The following MAD2L2 variants were observed in gnomAD, a reference collection of about 807,000 sequenced individuals.
MAD2L2 encodes mitotic arrest deficient 2 like 2, also known as mitotic spindle assembly checkpoint protein MAD2B.
Under a neutral mutation model 30.5 loss-of-function variants are expected in MAD2L2, and 17 were observed. That is an observed-to-expected ratio of 0.56 (90% CI 0.38 to 0.84). The LOEUF (loss-of-function observed/expected upper bound fraction) is 0.84. Ranked by LOEUF, MAD2L2 falls within the 40% of genes least tolerant of loss-of-function variation. MAD2L2 has a pLI of 0.00. For synonymous variants in MAD2L2, 101 were observed against 113.9 expected (o/e 0.89, Z 0.72); for missense variants, 213 against 277.4 (o/e 0.77, Z 1.65).
intron 4 of MAD2L2, chr1:11,677,279 C>T (rs1047949667): frequency 6.7e-6 from 4 of 596,744 alleles, no homozygotes; most frequent in African/African-American, 3.7e-5. Context: ...AGAAGAACCC[C>T]GAACCCTCTG....
chr1:11,675,122 C>T lies in MAD2L2; in HGVS notation c.554G>A (p.Arg185Gln), dbSNP rs559422464. 21 of 1,604,100 alleles carry T rather than the reference C, an allele frequency of 1.3e-5. 1 individual carries two copies. In the Middle Eastern group the frequency reaches 1.5e-3, roughly 115 times the overall value. The change falls in exon 8 of 9, where the codon CGG (arginine) becomes CAG (glutamine). Residue 185 changes from arginine to glutamine, a missense_variant. Coordinates refer to ENST00000376692, the MANE Select transcript of MAD2L2 (RefSeq NM_006341.4). ...DEQDVHMHDPRLIPLKTMTSD... is the reference protein window; with the variant it reads ...DEQDVHMHDPQLIPLKTMTSD... ...CGTCATGGTTTTTAGTGGTATCAGC[C>T]GGGGGTCATGCATGTGGACATCCTG...
In MAD2L2 at chr1:11,674,920, C is replaced by A; in HGVS notation, c.595-104G>T. The A allele has an allele frequency of 7.0e-7, 1 of 1,422,058 alleles. No individual in the cohort carries two copies. Among genetic ancestry groups the A allele is most frequent in the Non-Finnish European group, 9.9e-7 (1 of 1,011,042 alleles). 88.1% of individuals were successfully genotyped at this position (1,422,058 alleles called of 1,614,324 possible). ...GGCAGACCTCCACCACAGGTGGGGC[C>A]TCGTGGCCATAGCCATGGTGGAGAA... On this transcript the variant is annotated intron_variant, in intron 8 of 8. Coordinates refer to ENST00000376692, the MANE Select transcript of MAD2L2 (RefSeq NM_006341.4). This position sits in a 1 kb window ranked among gnomAD's most constrained non-coding sequence, Gnocchi z 6.1.
At chr1:11,682,196 AC>A (rs1264880504), upstream of MAD2L2, among the ~76,000 whole-genome samples, 3 of 152,084 alleles carry the variant, frequency 2.0e-5, no homozygotes, top group Non-Finnish European at 4.4e-5. Context: ...GGGAATACAA[AC>A]CCAGCTCTGA....
At chr1:11,683,801 A>G (rs1239770234), upstream of MAD2L2, among the ~76,000 whole-genome samples, 1 of 152,092 alleles carries the variant, frequency 6.6e-6, no homozygotes. Flanking sequence ...GAGAAACCCC[A>G]TCTCTACTAA....
upstream of MAD2L2, among the ~76,000 whole-genome samples, chr1:11,686,045 T>C (rs1640950482): frequency 1.3e-5 from 2 of 152,136 alleles, no homozygotes; most frequent in African/African-American, 4.8e-5. Context: ...CTATATACAC[T>C]ATTTAAGCCC....
rs1640973940 is a variant in MAD2L2 at position 11,687,238 on chromosome 1, A to G, written c.-692+4175T>C. The stretch of plus-strand genomic sequence containing the variant: ...GCACCATCACACCCAGCTAATTTTT[A>G]TTTCATTTATTTCTTTTTTGAGACG... On this transcript the variant is annotated intron_variant, in intron 1 of 10. Transcript: ENST00000235310. This position sits in a 1 kb window ranked among gnomAD's most constrained non-coding sequence, Gnocchi z 4.1. Among the ~76,000 whole-genome samples, 1 of 151,442 alleles carries G rather than the reference A, an allele frequency of 6.6e-6. No individual in the cohort carries two copies. The highest frequency in any genetic ancestry group is 1.5e-5 in the Non-Finnish European group (1 of 67,820).
At chr1:11,679,634 C>G (rs571220916) in intron 3 of MAD2L2, among the ~76,000 whole-genome samples, 159 of 151,358 alleles carry the variant, frequency 1.1e-3, no homozygotes, top group Non-Finnish European at 1.7e-3. Context: ...TCAAGCGAGT[C>G]TCCTGCCTCA....
Position 11,674,898 on chromosome 1 carries a change from A to C in MAD2L2, c.595-82T>G. ...GAGGACACAGAAGCCCCTGGTGGGC[A>C]GACCTCCACCACAGGTGGGGCCTCG... On this transcript the variant is annotated intron_variant, in intron 8 of 8. Coordinates refer to ENST00000376692, the MANE Select transcript of MAD2L2 (RefSeq NM_006341.4). The surrounding 1 kb of genome is among the most constrained non-coding windows in gnomAD (Gnocchi z 6.1). 2 of 1,518,898 alleles carry C rather than the reference A, an allele frequency of 1.3e-6. No individual in the cohort carries two copies. Among genetic ancestry groups the C allele is most frequent in the Non-Finnish European group, 1.8e-6 (2 of 1,095,166 alleles). The allele number at this position is 1,518,898 out of a possible 1,614,324, so 94.1% of individuals were successfully genotyped here. A position where few individuals can be genotyped will look rare whatever the true frequency, so the allele number is the denominator to read the frequency against.
At position 11,676,065 on chromosome 1, in the gene MAD2L2, G is replaced by A; in HGVS notation, c.408C>T (p.Val136=). The A allele has an allele frequency of 6.2e-7, 1 of 1,613,528 alleles. No homozygotes were observed. The highest frequency in any genetic ancestry group is 8.5e-7 in the Non-Finnish European group (1 of 1,179,864). The stretch of plus-strand genomic sequence containing the variant: ...ACACACCTGGGGGGTTGTGGTCCAG[G>A]ACGGCATCGCACACGCTGATCTTCA... ...FILKISVCDA[V]LDHNPPGCTF... is the part of the protein sequence containing the mutation. The change falls in exon 6 of 9, where the codon GTC becomes GTT. Residue 136 remains valine (V), a synonymous_variant. Transcript: ENST00000376692.
chr1:11,687,781 G>A lies in MAD2L2; in HGVS notation c.-692+3632C>T, dbSNP rs1020285860. ...CATAATGTTTTCAAGATTCATCCAGGTCGAATCACATATTGATACTTCATT... is the reference window on the plus strand; with the variant it reads ...CATAATGTTTTCAAGATTCATCCAGATCGAATCACATATTGATACTTCATT... On this transcript the variant is annotated intron_variant, in intron 1 of 10. Coordinates refer to the MAD2L2 transcript ENST00000235310. The surrounding 1 kb of genome is among the most constrained non-coding windows in gnomAD (Gnocchi z 4.1). 2.6e-5 allele frequency among the ~76,000 whole-genome samples: 4 copies of A among 152,192 alleles called. No individual in the cohort carries two copies. Among genetic ancestry groups the A allele is most frequent in the Non-Finnish European group, 5.9e-5 (4 of 68,044 alleles).
chr1:11,684,912 T>TTC (rs992009558), upstream of MAD2L2, among the ~76,000 whole-genome samples: 9 of 141,068 alleles, frequency 6.4e-5, no homozygotes, highest in Middle Eastern at 3.6e-3. Context: ...CAAATTCAGG[T>TTC]TCTCTCTCTC....
intron 7 of MAD2L2, 83 bp from the exon 8 acceptor site, chr1:11,675,257 A>AG: frequency 1.1e-6 from 1 of 905,254 alleles, no homozygotes; most frequent in Non-Finnish European, 1.7e-6. Flanking sequence ...ACTCCAGACC[A>AG]GGGGCCTCCA....
upstream of MAD2L2, chr1:11,681,845 T>C (rs969806373): frequency 6.6e-6 from 1 of 152,094 alleles, no homozygotes. Context: ...GTTCTCTTTA[T>C]ACAGATAAGT....
rs1325938245 is a variant in MAD2L2 at position 11,688,285 on chromosome 1, C to T, written c.-692+3128G>A. On this transcript the variant is annotated intron_variant, in intron 1 of 10. Coordinates refer to the MAD2L2 transcript ENST00000235310. This position sits in a 1 kb window ranked among gnomAD's most constrained non-coding sequence, Gnocchi z 4.6. ...TTAGGAATCAGCACACGTGGCCGGG[C>T]ACGGTGGCTCATGCCTGTAATCCCA... Among the ~76,000 whole-genome samples, 1 of 152,218 alleles carries T rather than the reference C, an allele frequency of 6.6e-6. No individual in the cohort carries two copies. Among genetic ancestry groups the T allele is most frequent in the Middle Eastern group, 3.2e-3 (1 of 316 alleles).
At chr1:11,677,358 C>T in intron 4 of MAD2L2, 185 bp downstream of exon 4, 1 of 637,724 alleles carries the variant, frequency 1.6e-6, no homozygotes, top group Non-Finnish European at 2.7e-6. Context: ...ACATGGCCCG[C>T]ATGCCTTGGG....
chr1:11,680,166 T>C (rs1158706628), intron 3 of MAD2L2, among the ~76,000 whole-genome samples, 187 bp downstream of exon 3: 2 of 151,906 alleles, frequency 1.3e-5, no homozygotes. Flanking sequence ...CGGCTAATTT[T>C]TGTATTTTTA....
In MAD2L2 at chr1:11,675,684, T is replaced by G. The variant is rs1425655971; in HGVS notation, c.475A>C (p.Asn159His). 1.2e-6 allele frequency: 2 copies of G among 1,613,986 alleles called. No individual in the cohort carries two copies. Among genetic ancestry groups the G allele is most frequent in the Non-Finnish European group, 1.7e-6 (2 of 1,179,992 alleles). Residue 159 changes from asparagine (N) to histidine (H), a missense_variant, in exon 7 of 9, where the codon AAC (asparagine) becomes CAC (histidine). Coordinates refer to ENST00000376692, the MANE Select transcript of MAD2L2 (RefSeq NM_006341.4). ...TTGATGACCTGGATCTTCTCCATGT[T>G]GCGAGTGGCGGCTTCTCTCGTGTGC... ...LVHTREAATR[N>H]MEKIQVIKDF...
rs1250218250 is a variant in MAD2L2 at position 11,674,727 on chromosome 1, C to T, written c.*48G>A. 2 of 1,596,436 alleles carry T rather than the reference C, an allele frequency of 1.3e-6. No homozygotes were observed. Among genetic ancestry groups the T allele is most frequent in the Non-Finnish European group, 1.7e-6 (2 of 1,165,026 alleles). On this transcript the variant is annotated 3_prime_UTR_variant, in exon 9 of 9. Transcript: ENST00000376692. The surrounding 1 kb of genome is among the most constrained non-coding windows in gnomAD (Gnocchi z 6.1). ...ATGCAGCACTGCCCTAGGCGGGGAT[C>T]CCCCAAAGTCTGACAGTTTGGGCAT...
At chr1:11,678,613 C>T (rs909465585) in intron 3 of MAD2L2, among the ~76,000 whole-genome samples, 3 of 152,104 alleles carry the variant, frequency 2.0e-5, no homozygotes, top group African/African-American at 7.2e-5. Context: ...AACTGTGTGG[C>T]CTCAGGCAAA....
Sources: gnomAD v4.1 joint callset for allele counts (sites outside exome capture counted in the v4.1 genomes callset) on GRCh38, gnomAD v4.1.1 for gene constraint, Gnocchi (gnomAD v3.1) non-coding constraint, MANE v1.5 for transcripts, NCBI Gene and HGNC (gene_info 2026-07-23, HGNC 2026-07-21) for gene names.